The following FAM210A variants were observed in gnomAD, a reference collection of about 807,000 sequenced individuals.
FAM210A encodes family with sequence similarity 210 member A.
In FAM210A, 13 loss-of-function variants were observed where a neutral mutation model predicts 25.3. The observed-to-expected ratio is 0.51, with a 90% CI of 0.33 to 0.82. FAM210A has a LOEUF of 0.82. FAM210A is among the 40% of genes least tolerant of loss of function. The pLI, the probability that FAM210A is intolerant of heterozygous loss-of-function variation, is 0.02. For missense variants in FAM210A, 319 were observed against 323.2 expected, an observed-to-expected ratio of 0.99 and a Z score of 0.10; for synonymous variants, 125 against 118.7, an observed-to-expected ratio of 1.05 and a Z score of -0.35.
intron 3 of FAM210A, among the ~76,000 whole-genome samples, chr18:13,668,575 GAGTCAC>G (rs150884176): frequency 0.017 from 2,615 of 152,242 alleles, 73 homozygotes; most frequent in African/African-American, 0.059. Flanking sequence ...TAATGCAGGT[GAGTCAC>G]TTAATGGGGA....
intron 1 of FAM210A, among the ~76,000 whole-genome samples, chr18:13,696,087 T>C (rs917950006): frequency 2.6e-5 from 4 of 152,186 alleles, no homozygotes; most frequent in African/African-American, 9.7e-5. Context: ...ATCAAAGGTC[T>C]AAATAAATGG....
At chr18:13,686,653 T>C (rs1338448161) in intron 1 of FAM210A, among the ~76,000 whole-genome samples, 2 of 152,140 alleles carry the variant, frequency 1.3e-5, no homozygotes, top group African/African-American at 4.8e-5. Flanking sequence ...CACCCACAAA[T>C]TATCAAACTT....
At chr18:13,724,185 C>T (rs1183878779) in intron 1 of FAM210A, among the ~76,000 whole-genome samples, 1 of 152,040 alleles carries the variant, frequency 6.6e-6, no homozygotes, top group Non-Finnish European at 1.5e-5. Flanking sequence ...TATTTTCTCT[C>T]GGGACATCAT....
At chr18:13,698,427 C>T (rs547220842) in intron 1 of FAM210A, among the ~76,000 whole-genome samples, 3 of 151,564 alleles carry the variant, frequency 2.0e-5, no homozygotes, top group South Asian at 2.1e-4. Flanking sequence ...TGAGAATATC[C>T]GAGGATCCTA....
chr18:13,721,677 C>T (rs547174756), intron 1 of FAM210A, among the ~76,000 whole-genome samples: 122 of 152,180 alleles, frequency 8.0e-4, no homozygotes, highest in Non-Finnish European at 1.3e-3. Context: ...AGTTATGCAT[C>T]CTGGAACTGG....
intron 1 of FAM210A, among the ~76,000 whole-genome samples, chr18:13,701,635 C>T (rs1173000047): frequency 6.6e-6 from 1 of 152,164 alleles, no homozygotes; most frequent in South Asian, 2.1e-4. Flanking sequence ...CCAGCTTATA[C>T]ATTAGGCAGA....
intron 1 of FAM210A, among the ~76,000 whole-genome samples, chr18:13,691,660 T>A (rs1345881498): frequency 1.3e-5 from 2 of 150,940 alleles, no homozygotes; most frequent in East Asian, 1.9e-4. Flanking sequence ...CTAAGCTTCA[T>A]AAGTGAAGGA....
intron 1 of FAM210A, among the ~76,000 whole-genome samples, chr18:13,708,963 C>A (rs746543689): frequency 6.6e-6 from 1 of 152,204 alleles, no homozygotes; most frequent in African/African-American, 2.4e-5. Flanking sequence ...TCTTCCACAG[C>A]CACATCTCAA....
At chr18:13,712,729 T>A in intron 1 of FAM210A, among the ~76,000 whole-genome samples, 1 of 152,130 alleles carries the variant, frequency 6.6e-6, no homozygotes, top group South Asian at 2.1e-4. Context: ...TCCAGAACCA[T>A]GAAAAATAAA....
intron 1 of FAM210A, among the ~76,000 whole-genome samples, chr18:13,716,744 C>T (rs993962739): frequency 2.6e-5 from 4 of 152,184 alleles, no homozygotes; most frequent in Non-Finnish European, 4.4e-5. Flanking sequence ...TGCCCTCTCC[C>T]TGCCTCCTGT....
rs570517336 is a variant in FAM210A at position 13,711,183 on chromosome 18, CAACATGATGA to C, written c.-29+15136_-29+15145del. Among the ~76,000 whole-genome samples, 168 of 152,228 alleles carry C rather than the reference CAACATGATGA, an allele frequency of 1.1e-3. 1 individual carries two copies. The highest frequency in any genetic ancestry group is 2.2e-4 in the Non-Finnish European group (15 of 67,998). On this transcript the variant is annotated intron_variant, in intron 1 of 3. Transcript: ENST00000651643. ...GGTCAGGAGTTCGAGACCAGTCTAC[CAACATGATGA>C]AACCCTGTCTCTACTAAAAATACAA... is the stretch of plus-strand genomic sequence containing the variant.
intron 2 of FAM210A, among the ~76,000 whole-genome samples, chr18:13,677,159 C>T (rs1179445756): frequency 6.6e-6 from 1 of 151,564 alleles, no homozygotes; most frequent in Non-Finnish European, 1.5e-5. Context: ...ACTGCAAGTT[C>T]CACCTCCCGA....
At chr18:13,702,912 G>A (rs1247865916) in intron 1 of FAM210A, among the ~76,000 whole-genome samples, 1 of 152,124 alleles carries the variant, frequency 6.6e-6, no homozygotes, top group Non-Finnish European at 1.5e-5. Context: ...CATTTGGCCT[G>A]GCTAACGTTG....
At chr18:13,688,154 C>T (rs2043612387) in intron 1 of FAM210A, among the ~76,000 whole-genome samples, 1 of 152,136 alleles carries the variant, frequency 6.6e-6, no homozygotes, top group Admixed American at 6.5e-5. Context: ...CAGAGAAATT[C>T]TAGGCAGACA....
intron 1 of FAM210A, among the ~76,000 whole-genome samples, chr18:13,696,280 G>A (rs1032236560): frequency 2.0e-5 from 3 of 152,066 alleles, no homozygotes; most frequent in African/African-American, 7.2e-5. Context: ...ACAAAATACT[G>A]GAGAAGAACA....
chr18:13,671,398 T>C (rs999543702), intron 3 of FAM210A, among the ~76,000 whole-genome samples: 3 of 152,194 alleles, frequency 2.0e-5, no homozygotes, highest in Non-Finnish European at 4.4e-5. Context: ...AAAATAATTA[T>C]ATCTCCATTT....
chr18:13,708,890 T>C (rs2043801357), intron 1 of FAM210A, among the ~76,000 whole-genome samples: 2 of 152,206 alleles, frequency 1.3e-5, no homozygotes, highest in Non-Finnish European at 2.9e-5. Context: ...CCAGCCTAGA[T>C]TCTACAGCAC....
intron 2 of FAM210A, 128 bp downstream of exon 2, chr18:13,681,477 A>G: frequency 1.3e-6 from 1 of 775,570 alleles, no homozygotes; most frequent in Admixed American, 3.4e-5. Flanking sequence ...TAAAATGTGA[A>G]AAAACAGTTA....
intron 1 of FAM210A, among the ~76,000 whole-genome samples, chr18:13,710,905 A>G (rs1367461741): frequency 6.6e-6 from 1 of 152,226 alleles, no homozygotes. Flanking sequence ...GTGTACTCAA[A>G]TAGCACAGTC....
Sources: gnomAD v4.1 joint callset for allele counts (sites outside exome capture counted in the v4.1 genomes callset) on GRCh38, gnomAD v4.1.1 for gene constraint, MANE v1.5 for transcripts, NCBI Gene and HGNC (gene_info 2026-07-23, HGNC 2026-07-21) for gene names.